The following PAX5 variants were observed in gnomAD, a reference collection of about 807,000 sequenced individuals.
PAX5 encodes paired box protein Pax-5.
PAX5 carries 9 observed loss-of-function variants against 43.7 expected under a neutral mutation model. The ratio of observed to expected loss-of-function variants is 0.21; its 90% CI spans 0.12 to 0.36. PAX5 has a LOEUF of 0.36. Among genes scored for constraint, PAX5 ranks in the 10% least tolerant of loss-of-function variants. The probability of loss-of-function intolerance (pLI) is 1.00; values close to 1 mark genes in which losing one functional copy is unlikely to be tolerated. For missense variants in PAX5, 383 were observed against 532.7 expected (o/e 0.72, Z 2.77); for synonymous variants, 228 against 214.3 (o/e 1.06, Z -0.56).
chr9:37,006,457 TA>T lies in PAX5; in HGVS notation c.475+15del. On this transcript the variant is annotated intron_variant, in intron 4 of 9. Transcript: ENST00000358127. The stretch of plus-strand genomic sequence containing the variant: ...GCCCATTAGATTTTTAAATTTTTTT[TA>T]AAAGTTCCTCTTACCTATGCTGTGA... 1.2e-6 allele frequency: 2 copies of T among 1,603,890 alleles called. No individual in the cohort carries two copies. The highest frequency in any genetic ancestry group is 1.7e-6 in the Non-Finnish European group (2 of 1,171,478).
intron 1 of PAX5, among the ~76,000 whole-genome samples, chr9:37,023,725 T>C (rs563628094): frequency 6.6e-6 from 1 of 152,232 alleles, no homozygotes; most frequent in African/African-American, 2.4e-5. Context: ...AAAGGGACTT[T>C]GCTGACTCAG....
intron 7 of PAX5, among the ~76,000 whole-genome samples, chr9:36,911,900 G>A (rs1266007855): frequency 6.6e-6 from 1 of 152,206 alleles, no homozygotes; most frequent in African/African-American, 2.4e-5. Context: ...CCCTTGAGAC[G>A]CCCCAGGTCT....
rs553956311 is a variant in PAX5, at chr9:36,976,896, G to T, written c.605-10172C>A. On this transcript the variant is annotated intron_variant, in intron 5 of 9. Coordinates refer to ENST00000358127, the MANE Select transcript of PAX5 (RefSeq NM_016734.3). ...GGGATCTGTCAGGGGCCAGACAGCA[G>T]ATTCAAGGTGAGCTTGGACATGAGG... is the stretch of plus-strand genomic sequence containing the variant. Among the ~76,000 whole-genome samples the T allele has an allele frequency of 1.8e-4, 27 of 152,276 alleles. 1 individual carries two copies. In the South Asian group the frequency reaches 5.4e-3, roughly 30 times the overall value.
Position 36,833,657 on chromosome 9 carries a change from C to G in PAX5, c.*6903G>C. ...AAATTGGCACTGCTGTAATTACATT[C>G]AAATATTATTACACACAAAAGCAAC... On this transcript the variant is annotated 3_prime_UTR_variant, in exon 10 of 10. Transcript: ENST00000358127. 4.3e-6 allele frequency: 1 copy of G among 232,678 alleles called. No homozygotes were observed. The highest frequency in any genetic ancestry group is 8.5e-6 in the Non-Finnish European group (1 of 117,846). 14.4% of individuals were successfully genotyped at this position (232,678 alleles called of 1,614,324 possible).
At chr9:36,909,903 C>G (rs1031960023) in intron 7 of PAX5, among the ~76,000 whole-genome samples, 1 of 145,000 alleles carries the variant, frequency 6.9e-6, no homozygotes, top group Non-Finnish European at 1.5e-5. Context: ...CTCACTGCAG[C>G]CTTGACCTCC....
At chr9:36,992,406 G>A (rs773219491) in intron 5 of PAX5, among the ~76,000 whole-genome samples, 62 of 152,298 alleles carry the variant, frequency 4.1e-4, no homozygotes, top group Non-Finnish European at 2.9e-5. Flanking sequence ...AGCTGGATGG[G>A]GAGAATAGGC....
intron 6 of PAX5, among the ~76,000 whole-genome samples, chr9:36,931,528 A>C (rs930369291): frequency 1.3e-5 from 2 of 152,188 alleles, no homozygotes; most frequent in Non-Finnish European, 2.9e-5. Flanking sequence ...AACAAACTGT[A>C]AAATAAATAA....
intron 6 of PAX5, among the ~76,000 whole-genome samples, chr9:36,949,577 A>G (rs1180371278): frequency 3.9e-5 from 6 of 152,208 alleles, no homozygotes; most frequent in Non-Finnish European, 8.8e-5. Context: ...TATTACCACA[A>G]TCTCCCAAGA....
At chr9:37,029,235 C>A (rs921777831) in intron 1 of PAX5, among the ~76,000 whole-genome samples, 1 of 152,184 alleles carries the variant, frequency 6.6e-6, no homozygotes, top group South Asian at 2.1e-4. Context: ...TTATTCTCTG[C>A]CTCGGTTTCC....
chr9:37,016,817 G>A (rs2132481222), intron 2 of PAX5, among the ~76,000 whole-genome samples: 1 of 152,340 alleles, frequency 6.6e-6, no homozygotes, highest in East Asian at 1.9e-4. Context: ...CATTTACAGA[G>A]ATGCTGAAAT....
In PAX5 at chr9:36,984,435, C is replaced by CTTTTTTTTTTTTTTTTTTTTTTT. The variant is rs10663927; in HGVS notation, c.605-17712_605-17711insAAAAAAAAAAAAAAAAAAAAAAA. 3.3e-4 allele frequency among the ~76,000 whole-genome samples: 22 copies of CTTTTTTTTTTTTTTTTTTTTTTT among 66,882 alleles called. 3 individuals are homozygous for CTTTTTTTTTTTTTTTTTTTTTTT. The highest frequency in any genetic ancestry group is 1.4e-3 in the African/African-American group (21 of 15,110). The allele number at this position is 66,882 out of a possible 152,430, so 43.9% of individuals were successfully genotyped here. A position where few individuals can be genotyped will look rare whatever the true frequency, so the allele number is the denominator to read the frequency against. On this transcript the variant is annotated intron_variant, in intron 5 of 9. Transcript: ENST00000358127. ...GCCCTGGATTGGTTATTGAACCTCT[C>CTTTTTTTTTTTTTTTTTTTTTTT]TTTTTTTTTTTTTTTTTTTTTTGAG...
At chr9:36,992,286 C>A (rs1386941620) in intron 5 of PAX5, among the ~76,000 whole-genome samples, 1 of 152,202 alleles carries the variant, frequency 6.6e-6, no homozygotes, top group African/African-American at 2.4e-5. Flanking sequence ...AAACCCACTT[C>A]TTTATTTTAT....
chr9:36,877,047 G>A (rs944697761), intron 8 of PAX5, among the ~76,000 whole-genome samples: 2 of 152,238 alleles, frequency 1.3e-5, no homozygotes, highest in South Asian at 2.1e-4. Flanking sequence ...ACTTGGAAAT[G>A]AAGTGGTGGC....
intron 6 of PAX5, among the ~76,000 whole-genome samples, chr9:36,943,529 TACACACACACACAC>T (rs1554668821): frequency 3.4e-5 from 5 of 146,018 alleles, no homozygotes; most frequent in East Asian, 2.1e-4. Context: ...TAGTTCAACA[TACACACACACACAC>T]ACACACACAC....
intron 8 of PAX5, among the ~76,000 whole-genome samples, chr9:36,851,864 T>C (rs924415704): frequency 1.2e-4 from 19 of 152,182 alleles, no homozygotes; most frequent in African/African-American, 4.3e-4. Context: ...TTCTAGGCCA[T>C]GCTCCAGGCC....
At chr9:37,012,177 G>A (rs575109004) in intron 3 of PAX5, among the ~76,000 whole-genome samples, 179 of 152,276 alleles carry the variant, frequency 1.2e-3, no homozygotes, top group Admixed American at 5.0e-3. Flanking sequence ...GCAGCAGAAC[G>A]GGCAGCCCGC....
At chr9:36,844,574 G>A (rs577742558) in intron 9 of PAX5, among the ~76,000 whole-genome samples, 1 of 152,020 alleles carries the variant, frequency 6.6e-6, no homozygotes, top group African/African-American at 2.4e-5. Context: ...GCTGTCTCTG[G>A]CCCCCTAAAG....
At chr9:36,924,105 A>G (rs1318876039) in intron 6 of PAX5, among the ~76,000 whole-genome samples, 1 of 152,190 alleles carries the variant, frequency 6.6e-6, no homozygotes, top group African/African-American at 2.4e-5. Context: ...CTGAGCCACC[A>G]TTTGGCAAGT....
chr9:36,895,140 G>A (rs1040289784), intron 7 of PAX5, among the ~76,000 whole-genome samples: 4 of 152,188 alleles, frequency 2.6e-5, no homozygotes, highest in Admixed American at 6.5e-5. Context: ...TGCCAGCTCC[G>A]GGGTCCGAAT....
Sources: allele counts gnomAD v4.1 joint callset (sites outside exome capture counted in the v4.1 genomes callset), GRCh38; gene constraint gnomAD v4.1.1; transcripts MANE v1.5; gene names NCBI Gene and HGNC (gene_info 2026-07-23, HGNC 2026-07-21).